BRINP2: variants seen among roughly 807,000 people sequenced by gnomAD.
The protein encoded by BRINP2 is BMP/retinoic acid inducible neural specific 2.
BRINP2 carries 21 observed loss-of-function variants against 69.2 expected under a neutral mutation model. The ratio of observed to expected loss-of-function variants is 0.30; its 90% confidence interval spans 0.22 to 0.44. The LOEUF (loss-of-function observed/expected upper bound fraction) is 0.44. Ranked by LOEUF, BRINP2 falls within the 20% of genes least tolerant of loss-of-function variation. BRINP2 has a pLI of 1.00. For missense variants in BRINP2, 877 were observed against 986.0 expected (o/e 0.89, Z 1.48); for synonymous variants, 380 against 394.1 (o/e 0.96, Z 0.42).
chr1:177,217,822 A>G (rs970293344), intron 1 of BRINP2, among the ~76,000 whole-genome samples: 1 of 152,188 alleles, frequency 6.6e-6, no homozygotes, highest in African/African-American at 2.4e-5. Context: ...TGGCAAGATC[A>G]CTGGCTGAGC....
At chr1:177,209,116 C>T (rs981010378) in intron 1 of BRINP2, among the ~76,000 whole-genome samples, 1 of 151,644 alleles carries the variant, frequency 6.6e-6, no homozygotes, top group Non-Finnish European at 1.5e-5. Context: ...ACTTAGGCTA[C>T]AGTGTGAATG....
At chr1:177,247,973 T>C (rs1310316494) in intron 2 of BRINP2, among the ~76,000 whole-genome samples, 2 of 152,106 alleles carry the variant, frequency 1.3e-5, no homozygotes, top group African/African-American at 4.8e-5. Context: ...GGGGGGCGGA[T>C]AGAGCTGCAT....
intron 1 of BRINP2, among the ~76,000 whole-genome samples, chr1:177,228,503 C>T (rs572705352): frequency 6.6e-6 from 1 of 152,302 alleles, no homozygotes; most frequent in Non-Finnish European, 1.5e-5. Flanking sequence ...TACTGAAGTC[C>T]ACATTGTCTG....
chr1:177,202,580 T>C (rs1265187848), intron 1 of BRINP2, among the ~76,000 whole-genome samples: 1 of 152,234 alleles, frequency 6.6e-6, no homozygotes, highest in African/African-American at 2.4e-5. Context: ...TTTGTTATAA[T>C]TTCTGTTCTT....
chr1:177,183,972 T>G (rs1648341476), intron 1 of BRINP2, among the ~76,000 whole-genome samples: 1 of 152,176 alleles, frequency 6.6e-6, no homozygotes, highest in Non-Finnish European at 1.5e-5. Flanking sequence ...TATGAAAACT[T>G]TTTTAAAGAG....
intron 2 of BRINP2, among the ~76,000 whole-genome samples, chr1:177,248,544 A>G (rs1571929592): frequency 2.0e-5 from 3 of 151,218 alleles, no homozygotes; most frequent in Non-Finnish European, 2.9e-5. Flanking sequence ...TTAAGGCTGC[A>G]TAGGGAGGGA....
intron 1 of BRINP2, among the ~76,000 whole-genome samples, chr1:177,181,801 G>GT (rs1234851353): frequency 1.4e-4 from 21 of 152,292 alleles, no homozygotes; most frequent in African/African-American, 4.3e-4. Flanking sequence ...TTTGAGCCGC[G>GT]AGGGACCGCG....
intron 2 of BRINP2, among the ~76,000 whole-genome samples, chr1:177,244,978 A>C (rs1650328747): frequency 6.6e-6 from 1 of 152,200 alleles, no homozygotes; most frequent in Admixed American, 6.5e-5. Context: ...CTCCCCTCTC[A>C]CAAGTGAGTG....
chr1:177,200,032 C>A (rs1032173940), intron 1 of BRINP2, among the ~76,000 whole-genome samples: 1 of 152,064 alleles, frequency 6.6e-6, no homozygotes, highest in African/African-American at 2.4e-5. Context: ...TGGGACACAC[C>A]TGTAATCCCA....
intron 4 of BRINP2, among the ~76,000 whole-genome samples, chr1:177,268,438 C>T (rs768761109): frequency 1.8e-4 from 28 of 152,164 alleles, no homozygotes; most frequent in Non-Finnish European, 2.9e-4. Flanking sequence ...ACCTACTCTG[C>T]CTTGGTGGAG....
intron 3 of BRINP2, chr1:177,256,602 G>A (rs1650768045): frequency 1.0e-6 from 1 of 985,324 alleles, no homozygotes; most frequent in African/African-American, 1.7e-5. Context: ...GTAGGGTGGA[G>A]CAATGTGGGC....
intron 4 of BRINP2, among the ~76,000 whole-genome samples, chr1:177,259,158 T>G (rs868367277): frequency 2.2e-4 from 33 of 152,170 alleles, no homozygotes; most frequent in African/African-American, 7.9e-4. Flanking sequence ...AATACAAGAA[T>G]GATAAAAAAG....
intron 1 of BRINP2, among the ~76,000 whole-genome samples, chr1:177,213,882 G>A (rs1241033659): frequency 2.0e-5 from 3 of 152,172 alleles, no homozygotes; most frequent in Non-Finnish European, 2.9e-5. Flanking sequence ...GGATGAATGA[G>A]TAGATATTTT....
intron 2 of BRINP2, among the ~76,000 whole-genome samples, chr1:177,253,265 C>T (rs1650638897): frequency 6.6e-6 from 1 of 152,026 alleles, no homozygotes; most frequent in African/African-American, 2.4e-5. Flanking sequence ...TGACATTTCA[C>T]TGTGCATTTG....
At chr1:177,223,201 G>A (rs1453447875) in intron 1 of BRINP2, among the ~76,000 whole-genome samples, 1 of 152,156 alleles carries the variant, frequency 6.6e-6, no homozygotes, top group African/African-American at 2.4e-5. Context: ...CAAGTATGAA[G>A]CCTCAGCAAC....
chr1:177,227,750 C>T (rs1431021228), intron 1 of BRINP2, among the ~76,000 whole-genome samples: 1 of 152,042 alleles, frequency 6.6e-6, no homozygotes, highest in African/African-American at 2.4e-5. Flanking sequence ...ATATTCCATC[C>T]TCCATGCAAT....
In BRINP2 at chr1:177,255,779, G is replaced by A. The variant is rs796512226; in HGVS notation, c.270-140G>A. The A allele has an allele frequency of 1.1e-5, 9 of 850,856 alleles. No homozygotes were observed. In the African/African-American group the frequency reaches 1.5e-4, roughly 14 times the overall value. 52.7% of individuals were successfully genotyped at this position (850,856 alleles called of 1,614,324 possible). ...GGCCAAGGGGCCTCTTCCAGGCTCTGGGCACCTCCAGCTGAGGGGATGTGG... is the reference window on the plus strand; with the variant it reads ...GGCCAAGGGGCCTCTTCCAGGCTCTAGGCACCTCCAGCTGAGGGGATGTGG... On this transcript the variant is annotated intron_variant, in intron 2 of 7. Coordinates refer to ENST00000361539, the MANE Select transcript of BRINP2 (RefSeq NM_021165.4).
At chr1:177,181,682 C>G (rs1031485517) in intron 1 of BRINP2, among the ~76,000 whole-genome samples, 1 of 152,220 alleles carries the variant, frequency 6.6e-6, no homozygotes, top group Non-Finnish European at 1.5e-5. Flanking sequence ...ATCAATACGT[C>G]GTTAGGCAGG....
chr1:177,177,707 T>C (rs1163626930), intron 1 of BRINP2, among the ~76,000 whole-genome samples: 1 of 152,236 alleles, frequency 6.6e-6, no homozygotes, highest in African/African-American at 2.4e-5. Context: ...TATTACCTCT[T>C]GTATTTTCAG....
Sources: allele counts gnomAD v4.1 joint callset (sites outside exome capture counted in the v4.1 genomes callset), GRCh38; gene constraint gnomAD v4.1.1; transcripts MANE v1.5; gene names NCBI Gene and HGNC (gene_info 2026-07-23, HGNC 2026-07-21).